TACC2: variants seen among roughly 807,000 people sequenced by gnomAD.
TACC2 encodes transforming acidic coiled-coil-containing protein 2.
Under a neutral mutation model 227.3 loss-of-function variants are expected in TACC2, and 137 were observed. That is an observed-to-expected ratio of 0.60 (90% CI 0.52 to 0.69). The LOEUF (loss-of-function observed/expected upper bound fraction) is 0.69, where lower values mean the gene tolerates loss of function less well. Among genes scored for constraint, TACC2 ranks in the 30% least tolerant of loss-of-function variants. TACC2 has a pLI of 0.00. For synonymous variants in TACC2, 1,523 were observed against 1,487.5 expected, an observed-to-expected ratio of 1.02 and a Z score of -0.55; for missense variants, 3,470 against 3,694.4, an observed-to-expected ratio of 0.94 and a Z score of 1.57.
chr10:122,043,877 G>A (rs1297747278), intron 2 of TACC2, among the ~76,000 whole-genome samples: 1 of 152,176 alleles, frequency 6.6e-6, no homozygotes, highest in Non-Finnish European at 1.5e-5. Context: ...ACTGTGCCTG[G>A]CCAAATTTTA....
Position 122,084,057 on chromosome 10 carries a change from C to G in TACC2, c.1557C>G (p.Pro519=). The G allele has an allele frequency of 1.2e-6, 2 of 1,614,094 alleles. No individual in the cohort carries two copies. The highest frequency in any genetic ancestry group is 3.3e-5 in the Admixed American group (2 of 60,014). The part of the protein sequence containing the change: ...VQPGVPPPPL[P]KEQSHEVQPG... Reference sequence around the variant, plus strand: ...CAGGAGTACCACCCCCTCCTCTTCCCAAGGAGCAAAGCCATGAGGTCCAAC... The same window carrying G: ...CAGGAGTACCACCCCCTCCTCTTCCGAAGGAGCAAAGCCATGAGGTCCAAC... Residue 519 remains proline (P), a synonymous_variant, in exon 4 of 23, where the codon CCC becomes CCG. Coordinates refer to ENST00000369005, the MANE Select transcript of TACC2 (RefSeq NM_206862.4).
rs535624704 is a variant in TACC2 at position 122,084,399 on chromosome 10, A to C, written c.1899A>C (p.Ala633=). Residue 633 remains alanine (A), a synonymous_variant, in exon 4 of 23, where the codon GCA becomes GCC. Coordinates refer to ENST00000369005, the MANE Select transcript of TACC2 (RefSeq NM_206862.4). ...GAGACCATCCCAGCTCACACTCAGC[A>C]CAGCCACCCAGAAAGGGGGGTGCTG... ...ESRDHPSSHS[A]QPPRKGGAGH... is the part of the protein sequence containing the mutation. 9 of 1,613,194 alleles carry C rather than the reference A, an allele frequency of 5.6e-6. No individual in the cohort carries two copies. The African/African-American group carries it at 1.1e-4, about 19-fold the overall frequency.
rs1263005182 is a variant in TACC2 at position 122,141,569 on chromosome 10, A to T, written c.5700-2003A>T. On this transcript the variant is annotated intron_variant, in intron 6 of 22. Transcript: ENST00000369005. This position sits in a 1 kb window ranked among gnomAD's most constrained non-coding sequence, Gnocchi z 4.3. ...GGTTGTGCTGCCCCAGGGTGTTCTC[A>T]GAGATGGGGCAGGTGTAGCCTTGGG... 6.6e-6 allele frequency among the ~76,000 whole-genome samples: 1 copy of T among 152,072 alleles called. No homozygotes were observed. Among genetic ancestry groups the T allele is most frequent in the Non-Finnish European group, 1.5e-5 (1 of 67,998 alleles).
rs748413057 is a variant in TACC2 at position 122,087,591 on chromosome 10, G to A, written c.5091G>A (p.Lys1697=). The A allele has an allele frequency of 6.2e-7, 1 of 1,613,722 alleles. No homozygotes were observed. The highest frequency in any genetic ancestry group is 8.5e-7 in the Non-Finnish European group (1 of 1,180,038). ...CAGACACTCCCCTGGAGCCTGGCAA[G>A]GTGGCAGGCGCTGCTGGGGAAGCAG... ...EVADTPLEPG[K]VAGAAGEAEG... Residue 1697 remains lysine (K), a synonymous_variant, in exon 4 of 23, where the codon AAG becomes AAA. Coordinates refer to ENST00000369005, the MANE Select transcript of TACC2 (RefSeq NM_206862.4).
intron 11 of TACC2, among the ~76,000 whole-genome samples, chr10:122,220,809 T>C (rs2095508935): frequency 6.6e-6 from 1 of 152,236 alleles, no homozygotes; most frequent in Non-Finnish European, 1.5e-5. Flanking sequence ...ACATTCATGA[T>C]TTCATTTCAT....
At chr10:122,182,859 GAC>G (rs1274372073) in intron 7 of TACC2, among the ~76,000 whole-genome samples, 1 of 152,136 alleles carries the variant, frequency 6.6e-6, no homozygotes, top group Admixed American at 6.6e-5. Context: ...CAGGTTCAAA[GAC>G]ACACAGAGAC....
At chr10:122,053,006 G>C (rs2075870109) in intron 3 of TACC2, among the ~76,000 whole-genome samples, 1 of 152,222 alleles carries the variant, frequency 6.6e-6, no homozygotes, top group South Asian at 2.1e-4. Context: ...CAAATGCTCT[G>C]TGTGTGCAAT....
intron 18 of TACC2, among the ~76,000 whole-genome samples, chr10:122,240,864 G>A (rs1334864386): frequency 1.3e-5 from 2 of 152,250 alleles, no homozygotes; most frequent in Non-Finnish European, 2.9e-5. Flanking sequence ...CTGGGAGGCA[G>A]TATGACAAAC....
chr10:122,097,638 G>A (rs983652374), intron 5 of TACC2, among the ~76,000 whole-genome samples: 2 of 151,948 alleles, frequency 1.3e-5, no homozygotes, highest in African/African-American at 4.8e-5. Flanking sequence ...GTTGGTAGGC[G>A]GCCGGAGTTT....
chr10:122,141,952 TAAG>T lies in TACC2; in HGVS notation c.5700-1619_5700-1617del, dbSNP rs1307699160. 6.6e-6 allele frequency among the ~76,000 whole-genome samples: 1 copy of T among 152,240 alleles called. No individual in the cohort carries two copies. The highest frequency in any genetic ancestry group is 2.4e-5 in the African/African-American group (1 of 41,464). On this transcript the variant is annotated intron_variant, in intron 6 of 22. Transcript: ENST00000369005. The surrounding 1 kb of genome is among the most constrained non-coding windows in gnomAD (Gnocchi z 4.3). ...CCTCCAAAGTGCAAAATAGCTCTCT[TAAG>T]GAGCTTAAATGCCTCTGGTAGTTTG...
intron 2 of TACC2, among the ~76,000 whole-genome samples, chr10:122,048,556 C>G (rs1440528055): frequency 6.6e-6 from 1 of 150,904 alleles, no homozygotes; most frequent in African/African-American, 2.4e-5. Context: ...ATGGGTTTCT[C>G]CATGTTGCCC....
intron 4 of TACC2, 122 bp from the exon 5 acceptor site, chr10:122,088,356 T>TTA: frequency 1.8e-6 from 1 of 561,436 alleles, no homozygotes; most frequent in South Asian, 3.1e-5. Flanking sequence ...TTCCTAGGGA[T>TTA]TTTTTTTTTT....
chr10:122,185,486 G>A (rs886962482), intron 7 of TACC2, among the ~76,000 whole-genome samples: 11 of 151,966 alleles, frequency 7.2e-5, no homozygotes, highest in African/African-American at 2.2e-4. Context: ...ATGAGCCACC[G>A]CACCTGGCCA....
intron 8 of TACC2, among the ~76,000 whole-genome samples, chr10:122,207,196 G>C (rs2095140696): frequency 6.6e-6 from 1 of 152,082 alleles, no homozygotes. Context: ...CTACTCGGGA[G>C]GCTCAGACAA....
chr10:122,087,582 G>A lies in TACC2; in HGVS notation c.5082G>A (p.Glu1694=), dbSNP rs1392632922. 3 of 1,613,584 alleles carry A rather than the reference G, an allele frequency of 1.9e-6. No individual in the cohort carries two copies. The East Asian group carries it at 6.7e-5, about 36-fold the overall frequency. ...GAGAAGTGGCAGACACTCCCCTGGAGCCTGGCAAGGTGGCAGGCGCTGCTG... is the reference window on the plus strand; with the variant it reads ...GAGAAGTGGCAGACACTCCCCTGGAACCTGGCAAGGTGGCAGGCGCTGCTG... ...PTGEVADTPL[E]PGKVAGAAGE... The change falls in exon 4 of 23, where the codon GAG becomes GAA. Residue 1694 remains glutamate, a synonymous_variant. Coordinates refer to ENST00000369005, the MANE Select transcript of TACC2 (RefSeq NM_206862.4).
chr10:122,204,009 C>G (rs2095002927), intron 8 of TACC2, among the ~76,000 whole-genome samples: 1 of 151,166 alleles, frequency 6.6e-6, no homozygotes, highest in South Asian at 2.1e-4. Flanking sequence ...AATACGAAAA[C>G]CAGTCAGGTG....
intron 3 of TACC2, among the ~76,000 whole-genome samples, chr10:122,063,820 A>G (rs1440987883): frequency 3.1e-5 from 4 of 130,020 alleles, no homozygotes; most frequent in Non-Finnish European, 6.4e-5. Context: ...TTATACATAT[A>G]TATTATATAA....
chr10:122,227,725 C>G, intron 13 of TACC2, 112 bp from the exon 14 acceptor site: 1 of 1,225,558 alleles, frequency 8.2e-7, no homozygotes, highest in Non-Finnish European at 1.2e-6. Context: ...GGCTCATATC[C>G]CTCTGGAAGT....
chr10:122,215,591 C>A, intron 10 of TACC2, 140 bp downstream of exon 10: 1 of 731,274 alleles, frequency 1.4e-6, no homozygotes, highest in Non-Finnish European at 2.4e-6. Context: ...GAGGGTCCCT[C>A]GATGTTTGCT....
Sources: gnomAD v4.1 joint callset for allele counts (sites outside exome capture counted in the v4.1 genomes callset) on GRCh38, gnomAD v4.1.1 for gene constraint, Gnocchi (gnomAD v3.1) non-coding constraint, MANE v1.5 for transcripts, NCBI Gene and HGNC (gene_info 2026-07-23, HGNC 2026-07-21) for gene names.